The following PREX2 variants were observed in gnomAD, a reference collection of about 807,000 sequenced individuals.
PREX2 encodes phosphatidylinositol-3,4,5-trisphosphate dependent Rac exchange factor 2, also known as phosphatidylinositol 3,4,5-trisphosphate-dependent Rac exchanger 2 protein.
In PREX2, 107 loss-of-function variants were observed where a neutral mutation model predicts 203.2. That is an observed-to-expected ratio of 0.53 (90% CI 0.45 to 0.62). The LOEUF (loss-of-function observed/expected upper bound fraction) is 0.62. Ranked by LOEUF, PREX2 falls within the 20% of genes least tolerant of loss-of-function variation. PREX2 has a pLI of 0.00. For synonymous variants in PREX2, 672 were observed against 663.6 expected, an observed-to-expected ratio of 1.01 and a Z score of -0.19; for missense variants, 1,777 against 1,955.9, an observed-to-expected ratio of 0.91 and a Z score of 1.72.
intron 1 of PREX2, among the ~76,000 whole-genome samples, chr8:67,957,863 G>A (rs943831983): frequency 6.6e-6 from 1 of 152,204 alleles, no homozygotes; most frequent in Non-Finnish European, 1.5e-5. Context: ...GACTGTATTT[G>A]TAGATAGGGC....
chr8:68,005,004 A>G (rs529605131), intron 1 of PREX2, among the ~76,000 whole-genome samples: 1 of 152,334 alleles, frequency 6.6e-6, no homozygotes, highest in East Asian at 1.9e-4. Flanking sequence ...ATGGAAAAGA[A>G]TTCTTTGGAT....
At chr8:67,991,021 C>T (rs1207577950) in intron 1 of PREX2, among the ~76,000 whole-genome samples, 2 of 152,108 alleles carry the variant, frequency 1.3e-5, no homozygotes, top group Non-Finnish European at 2.9e-5. Context: ...CACACAATGC[C>T]ATGGAGGGAT....
At chr8:68,050,253 C>A (rs2129611065) in intron 8 of PREX2, among the ~76,000 whole-genome samples, 1 of 152,168 alleles carries the variant, frequency 6.6e-6, no homozygotes, top group South Asian at 2.1e-4. Context: ...CATTCTTGCA[C>A]TGCTATCACT....
At chr8:68,061,050 T>A (rs1047454428) in intron 11 of PREX2, among the ~76,000 whole-genome samples, 1 of 152,164 alleles carries the variant, frequency 6.6e-6, no homozygotes, top group Admixed American at 6.5e-5. Flanking sequence ...GTTAGTTCTA[T>A]AGTAATTAGA....
At chr8:68,046,351 G>A (rs1176185556) in intron 8 of PREX2, among the ~76,000 whole-genome samples, 1 of 152,054 alleles carries the variant, frequency 6.6e-6, no homozygotes, top group African/African-American at 2.4e-5. Context: ...TAAGAGCCCA[G>A]GACCTTTGGA....
At chr8:68,107,035 G>A (rs1025877077) in intron 23 of PREX2, among the ~76,000 whole-genome samples, 5 of 152,166 alleles carry the variant, frequency 3.3e-5, no homozygotes, top group Admixed American at 6.5e-5. Context: ...CTATGTATTA[G>A]CCTCATGGGG....
At chr8:67,958,002 G>A (rs1050281976) in intron 1 of PREX2, among the ~76,000 whole-genome samples, 3 of 152,170 alleles carry the variant, frequency 2.0e-5, no homozygotes, top group Non-Finnish European at 4.4e-5. Context: ...GAAAGGCCTT[G>A]GGAGGACATG....
At chr8:68,209,677 C>G (rs1812707677) in intron 37 of PREX2, among the ~76,000 whole-genome samples, 1 of 152,086 alleles carries the variant, frequency 6.6e-6, no homozygotes, top group African/African-American at 2.4e-5. Context: ...TCTGATTTCC[C>G]CAATTCTACA....
chr8:68,084,340 A>AT (rs1397592186), intron 18 of PREX2, among the ~76,000 whole-genome samples: 1 of 152,170 alleles, frequency 6.6e-6, no homozygotes, highest in Non-Finnish European at 1.5e-5. Flanking sequence ...CAAAAATAAG[A>AT]TTTTTTAAAT....
At chr8:68,003,842 C>CTTTTTT (rs148890144) in intron 1 of PREX2, among the ~76,000 whole-genome samples, 38 of 90,630 alleles carry the variant, frequency 4.2e-4, no homozygotes, top group Non-Finnish European at 5.7e-4. Context: ...CTGGCCTGAC[C>CTTTTTT]TTTTTTTTTT....
intron 10 of PREX2, among the ~76,000 whole-genome samples, 182 bp downstream of exon 10, chr8:68,056,156 C>A (rs1375211945): frequency 6.6e-6 from 1 of 152,080 alleles, no homozygotes; most frequent in Non-Finnish European, 1.5e-5. Flanking sequence ...AGGATCATGA[C>A]CAGGAAACTT....
chr8:68,076,196 C>T (rs1021275197), intron 14 of PREX2, among the ~76,000 whole-genome samples: 5 of 152,174 alleles, frequency 3.3e-5, no homozygotes, highest in African/African-American at 7.2e-5. Context: ...GTGGTTCACG[C>T]CTGTAATCCC....
intron 23 of PREX2, chr8:68,101,434 G>A (rs1810261108): frequency 3.9e-6 from 2 of 518,716 alleles, no homozygotes; most frequent in African/African-American, 1.9e-5. Flanking sequence ...AGGGTTGCTG[G>A]TTACCTGCCA....
rs556220544 is a variant in PREX2 at position 68,085,663 on chromosome 8, T to C, written c.2028-2061T>C. Among the ~76,000 whole-genome samples, 8 of 152,322 alleles carry C rather than the reference T, an allele frequency of 5.3e-5. No homozygotes were observed. In the East Asian group the frequency reaches 1.5e-3, roughly 29 times the overall value. On this transcript the variant is annotated intron_variant, in intron 18 of 39. Transcript: ENST00000288368. ...AACGTAATTCTTTTTTAATAGGGAA[T>C]ATAATGTTCTCACCAGGGAAACATG... is the stretch of plus-strand genomic sequence containing the variant.
chr8:68,124,553 C>T (rs1343312744), intron 30 of PREX2, among the ~76,000 whole-genome samples: 1 of 151,952 alleles, frequency 6.6e-6, no homozygotes, highest in African/African-American at 2.4e-5. Flanking sequence ...GGCTTAATAC[C>T]TGGGTGATGA....
rs1393555535 is a variant in PREX2, at chr8:68,090,680, G to A, written c.2215G>A (p.Val739Ile). The change falls in exon 20 of 40, where the codon GTT (valine) becomes ATT (isoleucine). Residue 739 changes from valine to isoleucine, a missense_variant. Transcript: ENST00000288368. Reference protein sequence around the residue: ...KETHASVIAHVTACRKYRRPT... With the variant: ...KETHASVIAHITACRKYRRPT... ...GACACATGCCAGTGTCATTGCACAC[G>A]TTACAGCCTGCAGGAAGTACAGGCG... 3.1e-6 allele frequency: 5 copies of A among 1,613,870 alleles called. No individual in the cohort carries two copies. Among genetic ancestry groups the A allele is most frequent in the South Asian group, 1.1e-5 (1 of 91,048 alleles).
intron 1 of PREX2, among the ~76,000 whole-genome samples, chr8:67,957,518 C>T (rs1363077359): frequency 1.3e-5 from 2 of 152,092 alleles, no homozygotes; most frequent in Admixed American, 1.3e-4. Context: ...TTTGAGCTTT[C>T]GTAAAAGCAG....
intron 18 of PREX2, among the ~76,000 whole-genome samples, chr8:68,083,720 C>G (rs147141671): frequency 6.6e-6 from 1 of 152,000 alleles, no homozygotes; most frequent in East Asian, 1.9e-4. Flanking sequence ...TCTCCATGTT[C>G]GGCTATAAGA....
At chr8:68,090,258 C>T (rs1328175133) in intron 19 of PREX2, among the ~76,000 whole-genome samples, 1 of 152,004 alleles carries the variant, frequency 6.6e-6, no homozygotes, top group Non-Finnish European at 1.5e-5. Context: ...TCTCATTTTG[C>T]CATTATATAT....
Sources: allele counts gnomAD v4.1 joint callset (sites outside exome capture counted in the v4.1 genomes callset), GRCh38; gene constraint gnomAD v4.1.1; transcripts MANE v1.5; gene names NCBI Gene and HGNC (gene_info 2026-07-23, HGNC 2026-07-21).